C9: variants seen among roughly 807,000 people sequenced by gnomAD.
C9 encodes complement C9.
C9 carries 63 observed loss-of-function variants against 65.4 expected under a neutral mutation model. That is an observed-to-expected ratio of 0.96 (90% CI 0.79 to 1.19). The LOEUF is 1.19. C9 is among the 50% of genes most tolerant of loss of function. The pLI, the probability that C9 is intolerant of heterozygous loss-of-function variation, is 0.00. For missense variants in C9, 744 were observed against 670.1 expected, an observed-to-expected ratio of 1.11 and a Z score of -1.22; for synonymous variants, 229 against 227.9, an observed-to-expected ratio of 1.00 and a Z score of -0.04.
chr5:39,315,655 T>C (rs1753555741), intron 6 of C9, 120 bp downstream of exon 6: 2 of 739,454 alleles, frequency 2.7e-6, no homozygotes, highest in East Asian at 5.4e-5. Context: ...GCTAGCTACA[T>C]ATTTGAGAAT....
chr5:39,334,578 C>CA (rs1753922520), intron 4 of C9, among the ~76,000 whole-genome samples: 1 of 148,422 alleles, frequency 6.7e-6, no homozygotes, highest in African/African-American at 2.6e-5. Context: ...GGGGGGTCAG[C>CA]CCCCCGCCCG....
intron 4 of C9, among the ~76,000 whole-genome samples, chr5:39,338,057 G>C (rs970114317): frequency 6.6e-6 from 1 of 152,172 alleles, no homozygotes; most frequent in Non-Finnish European, 1.5e-5. Flanking sequence ...GAGGTTTGTA[G>C]TGAGTAAACA....
At chr5:39,314,484 A>T (rs1195208974) in intron 6 of C9, among the ~76,000 whole-genome samples, 2 of 151,964 alleles carry the variant, frequency 1.3e-5, no homozygotes, top group East Asian at 3.9e-4. Flanking sequence ...AAATTAAATT[A>T]AAATTAAAAA....
Position 39,288,903 on chromosome 5 carries a change from GGT to G in C9, c.1463_1464del (p.His488ProfsTer11). ...GCTCTTTCCAAGTTTTGTTTCTTTA[GGT>G]GTGCATTTTTCATTTTCACTGGAAC... ...NLVPVKMKNA[H>X]LKKQNLERAI... On this transcript the variant is annotated frameshift_variant, in exon 10 of 11. Transcript: ENST00000263408. LOFTEE classifies it high-confidence loss of function. 1 of 1,611,274 alleles carries G rather than the reference GGT, an allele frequency of 6.2e-7. No individual in the cohort carries two copies. Among genetic ancestry groups the G allele is most frequent in the Non-Finnish European group, 8.5e-7 (1 of 1,178,016 alleles).
At chr5:39,334,838 C>T (rs533958678) in intron 4 of C9, among the ~76,000 whole-genome samples, 21 of 152,194 alleles carry the variant, frequency 1.4e-4, no homozygotes, top group South Asian at 4.1e-4. Flanking sequence ...TCATTGAGAA[C>T]GGGCCATGAT....
chr5:39,300,176 G>C (rs769788862), intron 9 of C9, among the ~76,000 whole-genome samples: 4 of 152,114 alleles, frequency 2.6e-5, no homozygotes, highest in Non-Finnish European at 5.9e-5. Context: ...ACTTTGGGAG[G>C]CCAAGGCAGG....
intron 9 of C9, among the ~76,000 whole-genome samples, chr5:39,295,012 C>T (rs115315610): frequency 2.2e-3 from 338 of 151,894 alleles, no homozygotes; most frequent in African/African-American, 8.0e-3. Context: ...AATTTAACTT[C>T]TCTTTGTGAT....
intron 5 of C9, among the ~76,000 whole-genome samples, chr5:39,319,059 C>G (rs1206503183): frequency 1.3e-5 from 2 of 152,040 alleles, no homozygotes; most frequent in African/African-American, 4.8e-5. Context: ...CCCAACCCTC[C>G]CATAGCACAG....
intron 9 of C9, among the ~76,000 whole-genome samples, chr5:39,300,206 A>G (rs1051282203): frequency 6.6e-6 from 1 of 152,114 alleles, no homozygotes; most frequent in Admixed American, 6.6e-5. Flanking sequence ...TGAGGTCAGG[A>G]GTTTGAAAAC....
chr5:39,340,490 C>T (rs559072335), intron 4 of C9, among the ~76,000 whole-genome samples: 10 of 152,330 alleles, frequency 6.6e-5, no homozygotes, highest in African/African-American at 2.4e-4. Flanking sequence ...AACCGAATCT[C>T]TCTGCATATA....
At chr5:39,330,346 A>T (rs1179406096) in intron 5 of C9, among the ~76,000 whole-genome samples, 2 of 152,206 alleles carry the variant, frequency 1.3e-5, no homozygotes, top group African/African-American at 4.8e-5. Context: ...AAGGGAAAGC[A>T]GTGCTTCCTT....
intron 1 of C9, among the ~76,000 whole-genome samples, chr5:39,355,640 A>G (rs1754401660): frequency 6.6e-6 from 1 of 152,190 alleles, no homozygotes; most frequent in Non-Finnish European, 1.5e-5. Context: ...TAGGACTTAC[A>G]TTCTCTGGAT....
intron 1 of C9, among the ~76,000 whole-genome samples, chr5:39,342,971 A>G (rs1026268360): frequency 6.6e-6 from 1 of 152,210 alleles, no homozygotes; most frequent in African/African-American, 2.4e-5. Flanking sequence ...GAAACCACCC[A>G]ACAAGAATCC....
chr5:39,293,310 A>G (rs957861874), intron 9 of C9, among the ~76,000 whole-genome samples: 1 of 151,978 alleles, frequency 6.6e-6, no homozygotes, highest in South Asian at 2.1e-4. Context: ...TATGTTCCCT[A>G]TAAGAAACTC....
chr5:39,295,032 C>T (rs1753159578), intron 9 of C9, among the ~76,000 whole-genome samples: 1 of 151,544 alleles, frequency 6.6e-6, no homozygotes, highest in Admixed American at 6.6e-5. Context: ...TACAAATTCT[C>T]GATAAATTAG....
At chr5:39,344,841 A>G (rs1253000121) in intron 1 of C9, among the ~76,000 whole-genome samples, 5 of 152,224 alleles carry the variant, frequency 3.3e-5, no homozygotes, top group Admixed American at 3.3e-4. Context: ...AAACTCTACA[A>G]GCCAGAAGAG....
At chr5:39,314,094 C>A (rs1753532703) in intron 6 of C9, among the ~76,000 whole-genome samples, 1 of 152,088 alleles carries the variant, frequency 6.6e-6, no homozygotes, top group Non-Finnish European at 1.5e-5. Flanking sequence ...ATGATCTCTT[C>A]TTGACAAAAT....
intron 6 of C9, among the ~76,000 whole-genome samples, chr5:39,311,685 A>G (rs1753487945): frequency 6.6e-6 from 1 of 152,170 alleles, no homozygotes; most frequent in Non-Finnish European, 1.5e-5. Context: ...CCACTCCTAC[A>G]TATTTACCTA....
At chr5:39,292,227 A>G (rs1753108537) in intron 9 of C9, among the ~76,000 whole-genome samples, 1 of 151,724 alleles carries the variant, frequency 6.6e-6, no homozygotes. Flanking sequence ...CAACAAAGGG[A>G]AATGCTACAA....
Sources: gnomAD v4.1 joint callset for allele counts (sites outside exome capture counted in the v4.1 genomes callset) on GRCh38, gnomAD v4.1.1 for gene constraint, MANE v1.5 for transcripts, NCBI Gene and HGNC (gene_info 2026-07-23, HGNC 2026-07-21) for gene names.